Variants in PKHD1 observed in about 807,000 individuals in gnomAD.
The protein encoded by PKHD1 is fibrocystin.
PKHD1 carries 291 observed loss-of-function variants against 412.0 expected under a neutral mutation model. The ratio of observed to expected loss-of-function variants is 0.71; its 90% CI spans 0.64 to 0.78. PKHD1 has a LOEUF of 0.78. Ranked by LOEUF, PKHD1 falls within the 30% of genes least tolerant of loss-of-function variation. The pLI is 0.00. For synonymous variants in PKHD1, 1,777 were observed against 1,821.5 expected, an observed-to-expected ratio of 0.98 and a Z score of 0.62; for missense variants, 4,825 against 4,950.7, an observed-to-expected ratio of 0.97 and a Z score of 0.76.
At chr6:51,654,670 T>C (rs1432459881) in intron 61 of PKHD1, among the ~76,000 whole-genome samples, 1 of 151,316 alleles carries the variant, frequency 6.6e-6, no homozygotes, top group Non-Finnish European at 1.5e-5. Flanking sequence ...TAGATTACAA[T>C]TAGCATCCTT....
chr6:51,899,871 C>A (rs1054211934), intron 43 of PKHD1, among the ~76,000 whole-genome samples: 3 of 151,890 alleles, frequency 2.0e-5, no homozygotes, highest in Admixed American at 6.6e-5. Flanking sequence ...TATACACCAA[C>A]AACAGACAAA....
intron 36 of PKHD1, among the ~76,000 whole-genome samples, chr6:51,948,054 C>T (rs1034834781): frequency 1.3e-5 from 2 of 152,124 alleles, no homozygotes; most frequent in African/African-American, 4.8e-5. Context: ...ATGCATTCCA[C>T]CTTCAAAACG....
At chr6:51,798,697 G>T (rs1405936695) in intron 52 of PKHD1, among the ~76,000 whole-genome samples, 1 of 152,088 alleles carries the variant, frequency 6.6e-6, no homozygotes, top group Non-Finnish European at 1.5e-5. Context: ...AGTTTTCCTG[G>T]ACGATATCCT....
intron 27 of PKHD1, among the ~76,000 whole-genome samples, chr6:52,036,420 T>C (rs1346994205): frequency 3.9e-5 from 6 of 152,248 alleles, no homozygotes; most frequent in Middle Eastern, 3.2e-3. Flanking sequence ...TCTGCTATCA[T>C]GGCACACGTT....
chr6:51,765,378 C>A (rs1183230448), intron 55 of PKHD1, among the ~76,000 whole-genome samples: 1 of 152,134 alleles, frequency 6.6e-6, no homozygotes, highest in Non-Finnish European at 1.5e-5. Context: ...GCATAAAACC[C>A]TTCAGTGATT....
intron 34 of PKHD1, among the ~76,000 whole-genome samples, chr6:52,011,072 A>C (rs1562124432): frequency 6.6e-6 from 1 of 152,232 alleles, no homozygotes; most frequent in South Asian, 2.1e-4. Context: ...CTTACTTAAC[A>C]GCCCAGACTA....
At chr6:51,903,321 G>A (rs543496415) in intron 43 of PKHD1, among the ~76,000 whole-genome samples, 36 of 152,264 alleles carry the variant, frequency 2.4e-4, no homozygotes, top group Admixed American at 1.6e-3. Flanking sequence ...TGTCCAACTG[G>A]CAGCCCACAG....
chr6:51,933,348 T>A (rs775503241), intron 37 of PKHD1, among the ~76,000 whole-genome samples: 1 of 152,146 alleles, frequency 6.6e-6, no homozygotes, highest in Non-Finnish European at 1.5e-5. Flanking sequence ...CACCTATCTG[T>A]AAGAGGATTC....
chr6:51,736,588 T>C (rs759913017), intron 60 of PKHD1, among the ~76,000 whole-genome samples: 8 of 152,212 alleles, frequency 5.3e-5, no homozygotes, highest in Non-Finnish European at 7.3e-5. Context: ...TAACCATAAA[T>C]ATCTGCTGAA....
rs1766300337 is a variant in PKHD1 at position 51,619,181 on chromosome 6, C to T, written c.12125G>A (p.Gly4042Asp). Reference sequence around the variant, plus strand: ...CTTCTCTTGGGAAAGCCCCAAGCTGCCACTTTGCTTACTCAGCCGACTTTG... The same window carrying T: ...CTTCTCTTGGGAAAGCCCCAAGCTGTCACTTTGCTTACTCAGCCGACTTTG... The part of the protein sequence containing the change: ...PGQSRLSKQS[G>D]SLGLSQEKKA... Residue 4042 changes from glycine (G) to aspartate (D), a missense_variant, in exon 67 of 67, where the codon GGC becomes GAC. By Grantham distance (94) the Gly-to-Asp change is moderately conservative. Coordinates refer to ENST00000371117, the MANE Select transcript of PKHD1 (RefSeq NM_138694.4). The T allele has an allele frequency of 6.2e-7, 1 of 1,614,254 alleles. No homozygotes were observed. Among genetic ancestry groups the T allele is most frequent in the Non-Finnish European group, 8.5e-7 (1 of 1,180,032 alleles).
At chr6:51,887,485 G>T (rs1445099205) in intron 43 of PKHD1, among the ~76,000 whole-genome samples, 1 of 152,118 alleles carries the variant, frequency 6.6e-6, no homozygotes, top group Non-Finnish European at 1.5e-5. Context: ...AGTATTGGAG[G>T]TAGGGCCTGG....
chr6:51,776,989 A>T (rs1417358804), intron 53 of PKHD1, among the ~76,000 whole-genome samples: 1 of 152,076 alleles, frequency 6.6e-6, no homozygotes, highest in Non-Finnish European at 1.5e-5. Context: ...GAGTACAAAA[A>T]TACTAAAGTT....
chr6:52,063,554 A>G (rs756846053), intron 13 of PKHD1, among the ~76,000 whole-genome samples: 4 of 152,278 alleles, frequency 2.6e-5, no homozygotes, highest in Non-Finnish European at 5.9e-5. Flanking sequence ...TAAACAGAAA[A>G]GTAAGAGCAT....
At chr6:51,926,236 G>A (rs2127735362) in intron 37 of PKHD1, among the ~76,000 whole-genome samples, 1 of 152,260 alleles carries the variant, frequency 6.6e-6, no homozygotes, top group East Asian at 1.9e-4. Context: ...CTGCCTCCAT[G>A]AGGGCAGAGT....
Position 52,084,922 on chromosome 6 carries a change from C to A in PKHD1, c.12G>T (p.Trp4Cys). 6.2e-7 allele frequency: 1 copy of A among 1,606,160 alleles called. No homozygotes were observed. Among genetic ancestry groups the A allele is most frequent in the Non-Finnish European group, 8.5e-7 (1 of 1,172,874 alleles). ...CTTCAATACTCATCAGAGAGATCAG[C>A]CAGGCAGTCATTCTGTCCACTTAAA... Reference protein sequence around the residue: MTAWLISLMSIEVL... With the variant: MTACLISLMSIEVL... Residue 4 changes from tryptophan (W) to cysteine (C), a missense_variant, in exon 2 of 67, where the codon TGG (tryptophan) becomes TGT (cysteine). Physicochemically the swap from Trp to Cys is radical, Grantham distance 215. Transcript: ENST00000371117.
In PKHD1 at chr6:51,795,316, T is replaced by G. The variant is rs145206829; in HGVS notation, c.8303-3943A>C. Among the ~76,000 whole-genome samples, 15 of 152,354 alleles carry G rather than the reference T, an allele frequency of 9.8e-5. No individual in the cohort carries two copies. In the East Asian group the frequency reaches 2.3e-3, roughly 23 times the overall value. On this transcript the variant is annotated intron_variant, in intron 52 of 66. Transcript: ENST00000371117. Reference sequence around the variant, plus strand: ...TGTGAATGGGAGTTCATTTGCGAGTTGGCTCTTGGCTTGTCTATTGTTAGT... The same window carrying G: ...TGTGAATGGGAGTTCATTTGCGAGTGGGCTCTTGGCTTGTCTATTGTTAGT...
chr6:52,067,482 T>A (rs1809911420), intron 11 of PKHD1, among the ~76,000 whole-genome samples: 1 of 152,214 alleles, frequency 6.6e-6, no homozygotes, highest in South Asian at 2.1e-4. Flanking sequence ...ATAGTTCCTG[T>A]CCTCGAGAAG....
chr6:51,838,814 T>A (rs1157592384), intron 50 of PKHD1, among the ~76,000 whole-genome samples: 1 of 152,194 alleles, frequency 6.6e-6, no homozygotes, highest in Non-Finnish European at 1.5e-5. Flanking sequence ...ACAAGTTATT[T>A]GCCATTTCTA....
At chr6:51,848,898 T>A (rs1005031370) in intron 49 of PKHD1, among the ~76,000 whole-genome samples, 58 of 140,590 alleles carry the variant, frequency 4.1e-4, no homozygotes, top group African/African-American at 1.5e-3. Flanking sequence ...ACTTTCCTCA[T>A]GGCCATTTTT....
Sources: gnomAD v4.1 joint callset for allele counts (sites outside exome capture counted in the v4.1 genomes callset) on GRCh38, gnomAD v4.1.1 for gene constraint, MANE v1.5 for transcripts, NCBI Gene and HGNC (gene_info 2026-07-23, HGNC 2026-07-21) for gene names.